The following SPOCK1 variants were observed in gnomAD, a reference collection of about 807,000 sequenced individuals.
SPOCK1 encodes SPARC (osteonectin), cwcv and kazal like domains proteoglycan 1.
A neutral mutation model predicts 55.3 loss-of-function variants in SPOCK1; 23 were observed. That is an observed-to-expected ratio of 0.42 (90% CI 0.30 to 0.59). The LOEUF (loss-of-function observed/expected upper bound fraction) is 0.59, where lower values mean the gene tolerates loss of function less well. Among genes scored for constraint, SPOCK1 ranks in the 20% least tolerant of loss-of-function variants. The probability of loss-of-function intolerance (pLI) is 0.22; values close to 1 mark genes in which losing one functional copy is unlikely to be tolerated. For synonymous variants in SPOCK1, 226 were observed against 221.0 expected, an observed-to-expected ratio of 1.02 and a Z score of -0.20; for missense variants, 499 against 552.5, an observed-to-expected ratio of 0.90 and a Z score of 0.97.
chr5:137,034,527 C>G (rs534067288), intron 6 of SPOCK1, among the ~76,000 whole-genome samples: 1 of 152,160 alleles, frequency 6.6e-6, no homozygotes. Flanking sequence ...GTATTCCAAG[C>G]CCTATATAAA....
At chr5:136,998,511 A>G (rs2126967416) in intron 6 of SPOCK1, among the ~76,000 whole-genome samples, 1 of 152,374 alleles carries the variant, frequency 6.6e-6, no homozygotes, top group East Asian at 1.9e-4. Context: ...CCCCACGTGC[A>G]GGACTTACTT....
intron 2 of SPOCK1, among the ~76,000 whole-genome samples, chr5:137,357,923 A>G (rs1750853521): frequency 6.6e-6 from 1 of 152,134 alleles, no homozygotes; most frequent in African/African-American, 2.4e-5. Context: ...TTTAAACCTT[A>G]TGGATCTTCC....
intron 7 of SPOCK1, among the ~76,000 whole-genome samples, 178 bp downstream of exon 7, chr5:136,992,306 T>C (rs560463554): frequency 6.6e-6 from 1 of 152,334 alleles, no homozygotes; most frequent in Admixed American, 6.5e-5. Flanking sequence ...GATCATATAT[T>C]TTTTTCAAAA....
At chr5:137,498,681 C>A (rs1754363349) in intron 1 of SPOCK1, 123 bp from the exon 2 acceptor site, 4 of 781,400 alleles carry the variant, frequency 5.1e-6, no homozygotes, top group Non-Finnish European at 6.6e-6. Context: ...GGGCAGCGCT[C>A]GCGCACCTGG....
At chr5:137,421,953 GT>G (rs1306389105) in intron 2 of SPOCK1, among the ~76,000 whole-genome samples, 8 of 152,298 alleles carry the variant, frequency 5.3e-5, no homozygotes, top group Non-Finnish European at 4.4e-5. Context: ...TCCTTTCCAT[GT>G]TTAGTGCTTC....
chr5:137,113,839 G>A (rs1436377734), intron 4 of SPOCK1, among the ~76,000 whole-genome samples: 4 of 152,168 alleles, frequency 2.6e-5, no homozygotes, highest in Non-Finnish European at 5.9e-5. Context: ...ATAATTCATG[G>A]AAGCAGAAGA....
chr5:137,340,331 A>G (rs1283507126), intron 2 of SPOCK1, among the ~76,000 whole-genome samples: 2 of 152,156 alleles, frequency 1.3e-5, no homozygotes, highest in South Asian at 4.1e-4. Context: ...GAACTCCCCA[A>G]TAAACAGGTC....
chr5:137,478,368 A>G (rs76736521), intron 2 of SPOCK1, among the ~76,000 whole-genome samples: 2,080 of 152,320 alleles, frequency 0.014, 48 homozygotes, highest in African/African-American at 0.047. Context: ...AGCAAGATTC[A>G]AAGTCTCCAG....
At chr5:137,216,621 G>A (rs1755721782) in intron 3 of SPOCK1, among the ~76,000 whole-genome samples, 1 of 152,112 alleles carries the variant, frequency 6.6e-6, no homozygotes, top group East Asian at 1.9e-4. Context: ...TGAGGTAGGG[G>A]AATCACTCAA....
At chr5:137,259,962 C>T (rs1391031237) in intron 3 of SPOCK1, among the ~76,000 whole-genome samples, 2 of 152,236 alleles carry the variant, frequency 1.3e-5, no homozygotes, top group East Asian at 3.8e-4. Flanking sequence ...ATTAGCCAAA[C>T]TGTAACCTTT....
intron 5 of SPOCK1, among the ~76,000 whole-genome samples, chr5:137,097,571 G>A (rs1245330496): frequency 3.9e-5 from 6 of 152,218 alleles, no homozygotes. Context: ...ATGGGGATAA[G>A]GGGATGTCAT....
chr5:137,020,194 GA>G (rs532898847), intron 6 of SPOCK1, among the ~76,000 whole-genome samples: 1 of 147,450 alleles, frequency 6.8e-6, no homozygotes, highest in South Asian at 2.1e-4. Context: ...ATAACAGAAT[GA>G]AAAAAAAACC....
chr5:137,250,476 T>C (rs761356160), intron 3 of SPOCK1, among the ~76,000 whole-genome samples: 1 of 152,228 alleles, frequency 6.6e-6, no homozygotes, highest in Non-Finnish European at 1.5e-5. Context: ...ATTTTAACAT[T>C]GAAATCAGGA....
At chr5:137,286,494 C>T (rs1355583655) in intron 2 of SPOCK1, among the ~76,000 whole-genome samples, 2 of 152,102 alleles carry the variant, frequency 1.3e-5, no homozygotes, top group Non-Finnish European at 2.9e-5. Context: ...TAACCAAGCA[C>T]CCTGGAGCAG....
At chr5:137,134,795 G>A (rs555376384) in intron 4 of SPOCK1, among the ~76,000 whole-genome samples, 12 of 152,314 alleles carry the variant, frequency 7.9e-5, no homozygotes, top group South Asian at 2.1e-4. Context: ...TGAAATAACC[G>A]TCATCCTTTC....
At chr5:137,262,640 A>T (rs1023835432) in intron 3 of SPOCK1, among the ~76,000 whole-genome samples, 1 of 152,234 alleles carries the variant, frequency 6.6e-6, no homozygotes, top group Non-Finnish European at 1.5e-5. Context: ...TGAAGGAAGG[A>T]ATGAACACAT....
At chr5:137,147,243 A>G (rs1472791278) in intron 3 of SPOCK1, among the ~76,000 whole-genome samples, 1 of 152,224 alleles carries the variant, frequency 6.6e-6, no homozygotes, top group Non-Finnish European at 1.5e-5. Flanking sequence ...TTTGGTATAC[A>G]TAAAAATTAT....
chr5:137,151,131 C>T (rs149187133), intron 3 of SPOCK1, among the ~76,000 whole-genome samples: 1 of 151,970 alleles, frequency 6.6e-6, no homozygotes, highest in Non-Finnish European at 1.5e-5. Context: ...AGTAGGTAAT[C>T]TAAAATTTAT....
At chr5:137,070,419 T>G (rs373776175) in intron 5 of SPOCK1, among the ~76,000 whole-genome samples, 15 of 152,202 alleles carry the variant, frequency 9.9e-5, no homozygotes, top group African/African-American at 3.4e-4. Context: ...AGGTTTTAGT[T>G]AGTGTTTTAT....
Sources: allele counts gnomAD v4.1 joint callset (sites outside exome capture counted in the v4.1 genomes callset), GRCh38; gene constraint gnomAD v4.1.1; transcripts MANE v1.5; gene names NCBI Gene and HGNC (gene_info 2026-07-23, HGNC 2026-07-21).